SLC60A1: variants seen among roughly 807,000 people sequenced by gnomAD.
SLC60A1 encodes major facilitator superfamily domain containing 4.
At chr1:205,581,767 G>T in the SLC60A1 span, among the ~76,000 whole-genome samples, 1 of 152,190 alleles carries the variant, frequency 6.6e-6, no homozygotes, top group South Asian at 2.1e-4. The surrounding 1 kb of genome is among the most constrained non-coding windows in gnomAD (Gnocchi z 4.2). Flanking sequence ...GCTCTCCTGG[G>T]GCAGGTGGGC....
chr1:205,596,465 G>A, the SLC60A1 span, among the ~76,000 whole-genome samples: 1 of 146,570 alleles, frequency 6.8e-6, no homozygotes, highest in African/African-American at 2.5e-5. Flanking sequence ...CAGGTGTGGT[G>A]GGGCATGCCT....
the SLC60A1 span, among the ~76,000 whole-genome samples, chr1:205,588,235 G>A: frequency 6.6e-6 from 1 of 152,016 alleles, no homozygotes; most frequent in Non-Finnish European, 1.5e-5. Flanking sequence ...ACTTTGGGAG[G>A]CCGAGGCGGG....
the SLC60A1 span, among the ~76,000 whole-genome samples, chr1:205,584,375 C>T: frequency 6.6e-6 from 1 of 151,904 alleles, no homozygotes; most frequent in African/African-American, 2.4e-5. Flanking sequence ...TCACATGCCA[C>T]TACACCTGGC....
chr1:205,573,464 C>T, the SLC60A1 span, among the ~76,000 whole-genome samples: 1 of 151,876 alleles, frequency 6.6e-6, no homozygotes, highest in South Asian at 2.1e-4. Context: ...AACGGAATAT[C>T]ACTCAGCCAT....
chr1:205,583,006 G>A, the SLC60A1 span, among the ~76,000 whole-genome samples: 1 of 152,156 alleles, frequency 6.6e-6, no homozygotes, highest in Non-Finnish European at 1.5e-5. Context: ...ATAGCTGGGC[G>A]CTCTCACCAG....
the SLC60A1 span, among the ~76,000 whole-genome samples, chr1:205,591,419 C>CTGCAGTGA: frequency 4.1e-5 from 6 of 146,740 alleles, no homozygotes; most frequent in African/African-American, 1.5e-4. Flanking sequence ...TAGGTCGAGG[C>CTGCAGTGA]TGCAGTGAGC....
At chr1:205,592,056 A>G in the SLC60A1 span, 2 of 1,565,254 alleles carry the variant, frequency 1.3e-6, no homozygotes, top group Admixed American at 1.8e-5. Context: ...ACGCCAAGCC[A>G]GGAGACGCCG....
chr1:205,570,013 G>C, the SLC60A1 span, among the ~76,000 whole-genome samples: 1 of 151,132 alleles, frequency 6.6e-6, no homozygotes, highest in Non-Finnish European at 1.5e-5. Context: ...AGCTTGGTAA[G>C]GTGACTCTCC....
the SLC60A1 span, among the ~76,000 whole-genome samples, chr1:205,574,704 T>C: frequency 5.3e-5 from 8 of 152,176 alleles, no homozygotes; most frequent in African/African-American, 1.9e-4. Flanking sequence ...ATATTAAAGC[T>C]GACTCTTGCG....
At chr1:205,579,310 G>C in the SLC60A1 span, among the ~76,000 whole-genome samples, 2 of 141,062 alleles carry the variant, frequency 1.4e-5, no homozygotes, top group East Asian at 3.9e-4. Context: ...TCCTGGGCAA[G>C]AAGAAATGCC....
At chr1:205,579,531 G>A in the SLC60A1 span, 1 of 598,282 alleles carries the variant, frequency 1.7e-6, no homozygotes, top group Non-Finnish European at 3.0e-6. Flanking sequence ...GCTAGGCTTT[G>A]TGAAGTGTCC....
the SLC60A1 span, chr1:205,569,243 C>T: frequency 6.4e-7 from 1 of 1,569,554 alleles, no homozygotes; most frequent in African/African-American, 1.4e-5. Flanking sequence ...GGGTCTTCTT[C>T]TCGCAGCAGC....
At chr1:205,571,157 C>T in the SLC60A1 span, among the ~76,000 whole-genome samples, 2 of 152,194 alleles carry the variant, frequency 1.3e-5, no homozygotes, top group Non-Finnish European at 2.9e-5. Context: ...ATGTATCAGC[C>T]CATTTAATCT....
chr1:205,575,623 G>C, the SLC60A1 span, among the ~76,000 whole-genome samples: 1 of 152,134 alleles, frequency 6.6e-6, no homozygotes, highest in African/African-American at 2.4e-5. Flanking sequence ...GGGGCTGAAG[G>C]GGGCAGCAGC....
the SLC60A1 span, chr1:205,594,939 C>CT: frequency 1.3e-5 from 2 of 152,204 alleles, no homozygotes; most frequent in Non-Finnish European, 2.9e-5. Context: ...GGCCTTACCT[C>CT]TGAGTCTGAT....
the SLC60A1 span, chr1:205,585,974 G>A: frequency 2.7e-6 from 4 of 1,505,686 alleles, no homozygotes; most frequent in South Asian, 2.8e-5. This position sits in a 1 kb window ranked among gnomAD's most constrained non-coding sequence, Gnocchi z 4.2. Context: ...GGCTCCCTTT[G>A]TGAGGGTCAT....
At chr1:205,591,919 T>C in the SLC60A1 span, 1 of 548,812 alleles carries the variant, frequency 1.8e-6, no homozygotes, top group Non-Finnish European at 3.2e-6. Context: ...GGAAGATGTC[T>C]AGGCGGGGGT....
At chr1:205,583,230 G>A in the SLC60A1 span, among the ~76,000 whole-genome samples, 2 of 152,204 alleles carry the variant, frequency 1.3e-5, no homozygotes, top group Non-Finnish European at 2.9e-5. Flanking sequence ...TGCTCTGAAG[G>A]AGTTCCGATT....
the SLC60A1 span, among the ~76,000 whole-genome samples, chr1:205,573,759 C>T: frequency 5.9e-5 from 9 of 152,140 alleles, no homozygotes; most frequent in Non-Finnish European, 8.8e-5. Context: ...TGAGGTGGTA[C>T]GATCTCATCT....
Sources: allele counts gnomAD v4.1 joint callset (sites outside exome capture counted in the v4.1 genomes callset), GRCh38; gene constraint gnomAD v4.1.1; non-coding constraint Gnocchi (gnomAD v3.1); transcripts MANE v1.5; gene names NCBI Gene and HGNC (gene_info 2026-07-23, HGNC 2026-07-21).